The following SZT2 variants were observed in gnomAD, a reference collection of about 807,000 sequenced individuals.
The protein encoded by SZT2 is KICSTOR complex protein SZT2.
In SZT2, 216 loss-of-function variants were observed where a neutral mutation model predicts 404.2. That is an observed-to-expected ratio of 0.53 (90% CI 0.48 to 0.60). SZT2 has a LOEUF of 0.60. Among genes scored for constraint, SZT2 ranks in the 20% least tolerant of loss-of-function variants. The pLI is 0.00. For missense variants in SZT2, 3,857 were observed against 4,459.2 expected, an observed-to-expected ratio of 0.86 and a Z score of 3.85; for synonymous variants, 1,693 against 1,749.9, an observed-to-expected ratio of 0.97 and a Z score of 0.81.
Position 43,446,499 on chromosome 1 carries a change from T to C in SZT2, c.9072+83T>C, listed in dbSNP as rs916558927. The stretch of plus-strand genomic sequence containing the variant: ...GCTCCATGTCCCATTTGCTGGGCAG[T>C]AGAGTAATGCAGTAGGCGGGCTGGC... On this transcript the variant is annotated intron_variant, in intron 65 of 71. Transcript: ENST00000634258. 1.4e-5 allele frequency: 22 copies of C among 1,546,138 alleles called. 1 individual carries two copies. The Admixed American group carries it at 3.0e-4, about 21-fold the overall frequency.
At chr1:43,404,700 C>A in intron 4 of SZT2, 150 bp downstream of exon 4, 1 of 750,928 alleles carries the variant, frequency 1.3e-6, no homozygotes. Flanking sequence ...TCATGAGTCT[C>A]TCTCTCCTTG....
Position 43,415,358 on chromosome 1 carries a change from C to T in SZT2, c.630+145C>T. ...GACAAGGATAGGCATGCTCATGACA[C>T]ACTCCCTGTTGGAGCAGGACTCAGA... On this transcript the variant is annotated intron_variant, in intron 5 of 71. Coordinates refer to ENST00000634258, the MANE Select transcript of SZT2 (RefSeq NM_001365999.1). 6 of 960,802 alleles carry T rather than the reference C, an allele frequency of 6.2e-6. No individual in the cohort carries two copies. The South Asian group carries it at 1.0e-4, about 17-fold the overall frequency. The allele number at this position is 960,802 out of a possible 1,614,324, so 59.5% of individuals were successfully genotyped here. A position where few individuals can be genotyped will look rare whatever the true frequency, so the allele number is the denominator to read the frequency against.
intron 1 of SZT2, among the ~76,000 whole-genome samples, chr1:43,390,259 A>T (rs1648124934): frequency 6.6e-6 from 1 of 152,256 alleles, no homozygotes; most frequent in South Asian, 2.1e-4. Flanking sequence ...CGTCTCTAAG[A>T]CTTATAGCGG....
In SZT2 at chr1:43,420,959, G is replaced by A. The variant is rs1305657154; in HGVS notation, c.1472G>A (p.Arg491Gln). 5 of 1,598,272 alleles carry A rather than the reference G, an allele frequency of 3.1e-6. No individual in the cohort carries two copies. Among genetic ancestry groups the A allele is most frequent in the Non-Finnish European group, 4.2e-6 (5 of 1,179,810 alleles). The change falls in exon 10 of 72, where the codon CGG becomes CAG. Residue 491 changes from arginine (R) to glutamine (Q), a missense_variant. By Grantham distance (43) the Arg-to-Gln change is conservative. Around this residue, in one of 7 missense-constraint regions of SZT2, gnomAD observed 536 missense variants for 637.4 expected, o/e 0.84. Coordinates refer to ENST00000634258, the MANE Select transcript of SZT2 (RefSeq NM_001365999.1). The surrounding 1 kb of genome is among the most constrained non-coding windows in gnomAD (Gnocchi z 5.1). ...TCATTGTATCGTACCCATGTTATCC[G>A]GCGTTTCTGGAACACGCTGCAGAGG... ...IRSLYRTHVI[R>Q]RFWNTLQSIN... is the part of the protein sequence containing the mutation.
rs964948491 is a variant in SZT2 at position 43,431,820 on chromosome 1, T to C, written c.5193T>C (p.Pro1731=). 1.2e-6 allele frequency: 2 copies of C among 1,614,230 alleles called. No individual in the cohort carries two copies. Among genetic ancestry groups the C allele is most frequent in the South Asian group, 2.2e-5 (2 of 91,076 alleles). ...CAGCTGCCCATATCCATAGTTCTCC[T>C]GGACGCTCCACCTGCCTTCGCCAAA... The part of the protein sequence containing the change: ...HRAAAHIHSS[P]GRSTCLRQTL... Residue 1731 remains proline, a synonymous_variant, in exon 36 of 72, where the codon CCT becomes CCC. Transcript: ENST00000634258.
Position 43,440,564 on chromosome 1 carries a change from G to A in SZT2, c.7322G>A (p.Arg2441Gln), listed in dbSNP as rs200753719. Residue 2441 changes from arginine to glutamine, a missense_variant, in exon 52 of 72, where the codon CGG (arginine) becomes CAG (glutamine). This residue lies in a region of SZT2 where 573 missense variants were observed against 592.4 expected (regional missense o/e 0.97). Transcript: ENST00000634258. ...EPVTPPSKAG[R>Q]RSFWDMLSKT... Reference sequence around the variant, plus strand: ...GTGACTCCACCCAGCAAAGCGGGCCGGCGTAGCTTCTGGGATATGCTGGTA... The same window carrying A: ...GTGACTCCACCCAGCAAAGCGGGCCAGCGTAGCTTCTGGGATATGCTGGTA... The A allele has an allele frequency of 3.2e-5, 52 of 1,602,744 alleles. No homozygotes were observed. Among genetic ancestry groups the A allele is most frequent in the Admixed American group, 5.2e-5 (3 of 57,950 alleles).
intron 35 of SZT2, 79 bp downstream of exon 35, chr1:43,431,602 G>A: frequency 6.2e-7 from 1 of 1,603,558 alleles, no homozygotes; most frequent in East Asian, 2.2e-5. Context: ...TTTGTTCTGG[G>A]ATAGAAGTGA....
chr1:43,437,925 G>A lies in SZT2; in HGVS notation c.6508+23G>A, dbSNP rs778230648. 6 of 1,611,944 alleles carry A rather than the reference G, an allele frequency of 3.7e-6. No homozygotes were observed. Among genetic ancestry groups the A allele is most frequent in the South Asian group, 1.1e-5 (1 of 91,042 alleles). On this transcript the variant is annotated intron_variant, in intron 46 of 71. Coordinates refer to ENST00000634258, the MANE Select transcript of SZT2 (RefSeq NM_001365999.1). This position sits in a 1 kb window ranked among gnomAD's most constrained non-coding sequence, Gnocchi z 5.3. ...CAGGTAAGGTCTGAGGAGGGGGTAG[G>A]GGAGTCGCCACATGAGGTTCCAGAA...
At chr1:43,397,688 C>T (rs1356193638) in intron 1 of SZT2, among the ~76,000 whole-genome samples, 3 of 151,934 alleles carry the variant, frequency 2.0e-5, no homozygotes, top group East Asian at 4.0e-4. Context: ...CCACTATGCC[C>T]GGCTAATTTT....
chr1:43,442,426 G>GACCCCC lies in SZT2; in HGVS notation c.7975-15_7975-10dup. On this transcript the variant is annotated splice_polypyrimidine_tract_variant and intron_variant, in intron 57 of 71. Transcript: ENST00000634258. This position sits in a 1 kb window ranked among gnomAD's most constrained non-coding sequence, Gnocchi z 4.5. ...GGGGTTCCGTGATCTCACTGACCCT[G>GACCCCC]ACCCCCGACCTCCAGCTACAGCTGC... The GACCCCC allele has an allele frequency of 6.2e-7, 1 of 1,612,208 alleles. No homozygotes were observed. Among genetic ancestry groups the GACCCCC allele is most frequent in the Non-Finnish European group, 8.5e-7 (1 of 1,178,722 alleles).
chr1:43,453,684 A>C lies in SZT2; in HGVS notation c.*3204A>C. The C allele has an allele frequency of 6.9e-7, 1 of 1,457,876 alleles. No homozygotes were observed. Among genetic ancestry groups the C allele is most frequent in the South Asian group, 1.3e-5 (1 of 74,426 alleles). 90.3% of individuals were successfully genotyped at this position (1,457,876 alleles called of 1,614,324 possible). A position where few individuals can be genotyped will look rare whatever the true frequency, so the allele number is the denominator to read the frequency against. The stretch of plus-strand genomic sequence containing the variant: ...AGGCGTCTCCGCGTACGGCCAGGCC[A>C]CCTCGACGGCCTCGAAGCCCGAGCT... On this transcript the variant is annotated 3_prime_UTR_variant, in exon 72 of 72. Coordinates refer to ENST00000634258, the MANE Select transcript of SZT2 (RefSeq NM_001365999.1).
chr1:43,431,029 T>G lies in SZT2; in HGVS notation c.4855T>G (p.Phe1619Val), dbSNP rs1332982010. ...GGACCTCAGTGTGACTCTGGATGTC[T>G]TCATGCTGACTTTGCCCCTGGAAGT... Reference protein sequence around the residue: ...LRDLSVTLDVFMLTLPLEVEL... With the variant: ...LRDLSVTLDVVMLTLPLEVEL... Residue 1619 changes from phenylalanine to valine, a missense_variant, in exon 33 of 72, where the codon TTC (phenylalanine) becomes GTC (valine). Physicochemically the swap from Phe to Val is conservative, Grantham distance 50. Transcript: ENST00000634258. The G allele has an allele frequency of 6.2e-7, 1 of 1,614,172 alleles. No individual in the cohort carries two copies. Among genetic ancestry groups the G allele is most frequent in the South Asian group, 1.1e-5 (1 of 91,082 alleles).
chr1:43,423,053 C>A, intron 14 of SZT2, 46 bp from the exon 15 acceptor site: 1 of 1,541,040 alleles, frequency 6.5e-7, no homozygotes, highest in Non-Finnish European at 8.7e-7. Context: ...TCTCCCAGAC[C>A]TGTAGGAGAT....
chr1:43,433,240 C>A, intron 40 of SZT2, 50 bp downstream of exon 40: 1 of 1,582,422 alleles, frequency 6.3e-7, no homozygotes, highest in South Asian at 1.1e-5. Flanking sequence ...AACCTCTTCT[C>A]TCTGCTCCCA....
rs761908221 is a variant in SZT2, at chr1:43,410,907, TG to T, written c.499-4167del. Among the ~76,000 whole-genome samples the T allele has an allele frequency of 8.9e-4, 98 of 110,430 alleles. 1 individual carries two copies. In the East Asian group the frequency reaches 0.015, roughly 17 times the overall value. 72.4% of individuals were successfully genotyped at this position (110,430 alleles called of 152,430 possible). ...CTCTGAGGTGGGGTATATTGGGGGT[TG>T]GGGGGGGATCTTGATAGCACTGAGT... On this transcript the variant is annotated intron_variant, in intron 4 of 71. Coordinates refer to ENST00000634258, the MANE Select transcript of SZT2 (RefSeq NM_001365999.1).
intron 62 of SZT2, 41 bp downstream of exon 62, chr1:43,443,837 C>T (rs528679314): frequency 3.1e-6 from 5 of 1,609,328 alleles, no homozygotes; most frequent in African/African-American, 1.3e-5. Flanking sequence ...TCTCCTCCTG[C>T]ACTGCAAGTG....
At chr1:43,419,658 C>T in intron 7 of SZT2, 76 bp from the exon 8 acceptor site, 1 of 1,256,674 alleles carries the variant, frequency 8.0e-7, no homozygotes, top group Non-Finnish European at 1.1e-6. Flanking sequence ...CCACCTAGCC[C>T]AGTCTCTTTC....
rs1463215110 is a variant in SZT2 at position 43,419,814 on chromosome 1, A to G, written c.960A>G (p.Thr320=). ...TAATGAAGTTCATCGCAATGGCAAC[A>G]TTTGGGTCCTACCTGTCCACTTGTC... ...VELMKFIAMA[T]FGSYLSTCPE... Residue 320 remains threonine, a synonymous_variant, in exon 8 of 72, where the codon ACA becomes ACG. Coordinates refer to ENST00000634258, the MANE Select transcript of SZT2 (RefSeq NM_001365999.1). 1 of 1,598,336 alleles carries G rather than the reference A, an allele frequency of 6.3e-7. No homozygotes were observed. The highest frequency in any genetic ancestry group is 1.3e-5 in the African/African-American group (1 of 74,926).
chr1:43,403,320 G>A lies in SZT2; in HGVS notation c.153+18G>A, dbSNP rs1456349309. ...AGATGCTGGTGAGGCTTAGACACAC[G>A]AAAGGTGTGAGGGGCCAGCCCAGAA... is the stretch of plus-strand genomic sequence containing the variant. On this transcript the variant is annotated intron_variant, in intron 2 of 71. Transcript: ENST00000634258. 2.5e-6 allele frequency: 4 copies of A among 1,609,392 alleles called. No individual in the cohort carries two copies. Among genetic ancestry groups the A allele is most frequent in the African/African-American group, 1.3e-5 (1 of 74,730 alleles).
Sources: allele counts gnomAD v4.1 joint callset (sites outside exome capture counted in the v4.1 genomes callset), GRCh38; gene constraint gnomAD v4.1.1; regional missense constraint gnomAD v4.1.1; non-coding constraint Gnocchi (gnomAD v3.1); transcripts MANE v1.5; gene names NCBI Gene and HGNC (gene_info 2026-07-23, HGNC 2026-07-21).